The following XPNPEP1 variants were observed in gnomAD, a reference collection of about 807,000 sequenced individuals.
XPNPEP1 encodes the protein X-prolyl aminopeptidase 1.
A neutral mutation model predicts 92.4 loss-of-function variants in XPNPEP1; 39 were observed. The observed-to-expected ratio is 0.42, with a 90% CI of 0.33 to 0.55. The LOEUF is 0.55. XPNPEP1 is among the 20% of genes least tolerant of loss of function. The pLI, the probability that XPNPEP1 is intolerant of heterozygous loss-of-function variation, is 0.08. For synonymous variants in XPNPEP1, 307 were observed against 299.4 expected, an observed-to-expected ratio of 1.03 and a Z score of -0.26; for missense variants, 654 against 856.1, an observed-to-expected ratio of 0.76 and a Z score of 2.95.
chr10:109,899,300 G>A (rs1378063609), intron 3 of XPNPEP1, among the ~76,000 whole-genome samples: 2 of 152,182 alleles, frequency 1.3e-5, no homozygotes, highest in Admixed American at 6.5e-5. Flanking sequence ...TGAAATGTGG[G>A]TGAGAGGTGA....
intron 3 of XPNPEP1, among the ~76,000 whole-genome samples, chr10:109,897,474 T>A (rs1589602486): frequency 6.6e-6 from 1 of 152,232 alleles, no homozygotes; most frequent in African/African-American, 2.4e-5. Context: ...TGTTTATTAT[T>A]GTCTCAACAC....
rs889113027 is a variant in XPNPEP1, at chr10:109,881,408, T to A, written c.1042-477A>T. ...GTCCTATCTCAGCTACTGATAATAATCTGATCTTGAAGGGCTGGAGAAGAC... is the reference window on the plus strand; with the variant it reads ...GTCCTATCTCAGCTACTGATAATAAACTGATCTTGAAGGGCTGGAGAAGAC... On this transcript the variant is annotated intron_variant, in intron 10 of 20. Coordinates refer to ENST00000502935, the MANE Select transcript of XPNPEP1 (RefSeq NM_020383.4). Among the ~76,000 whole-genome samples the A allele has an allele frequency of 2.0e-5, 3 of 152,274 alleles. No individual in the cohort carries two copies. In the East Asian group the frequency reaches 5.8e-4, roughly 29 times the overall value.
rs1850109850 is a variant in XPNPEP1 at position 109,915,034 on chromosome 10, G to A, written c.98C>T (p.Ser33Leu). The A allele has an allele frequency of 2.6e-6, 4 of 1,530,630 alleles. No individual in the cohort carries two copies. The highest frequency in any genetic ancestry group is 3.5e-6 in the Non-Finnish European group (4 of 1,143,222). 94.8% of individuals were successfully genotyped at this position (1,530,630 alleles called of 1,614,324 possible). The change falls in exon 2 of 21, where the codon TCA becomes TTA. Residue 33 changes from serine to leucine, a missense_variant. Ser to Leu is a moderately radical substitution (Grantham distance 145, BLOSUM62 -2). Transcript: ENST00000502935. Reference sequence around the variant, plus strand: ...ACCTGTTTCCACACCTGTGTCTCCTGAGTGTGTCACCTCGTTAGGTTCAAT... The same window carrying A: ...ACCTGTTTCCACACCTGTGTCTCCTAAGTGTGTCACCTCGTTAGGTTCAAT... ...RIIEPNEVTH[S>L]GDTGVETDGR...
chr10:109,880,598 G>A (rs1002186646), intron 11 of XPNPEP1, among the ~76,000 whole-genome samples: 4 of 152,286 alleles, frequency 2.6e-5, no homozygotes, highest in South Asian at 4.1e-4. Context: ...TCAGCATCAC[G>A]TCATCACCAT....
intron 4 of XPNPEP1, 48 bp from the exon 5 acceptor site, chr10:109,891,874 T>C: frequency 1.3e-6 from 2 of 1,583,736 alleles, no homozygotes; most frequent in Non-Finnish European, 1.7e-6. Context: ...TTCTAACAAC[T>C]GCTCAGAAGC....
At chr10:109,875,660 G>T in intron 14 of XPNPEP1, 61 bp from the exon 15 acceptor site, 1 of 1,469,302 alleles carries the variant, frequency 6.8e-7, no homozygotes, top group Non-Finnish European at 9.4e-7. Flanking sequence ...GAATCTGGGA[G>T]GAGGACACAC....
At chr10:109,920,034 TA>T (rs561125587) in intron 1 of XPNPEP1, among the ~76,000 whole-genome samples, 450 of 142,988 alleles carry the variant, frequency 3.1e-3, no homozygotes, top group Non-Finnish European at 2.8e-3. Flanking sequence ...CCGTCTCATT[TA>T]AAAAAAAAAA....
intron 10 of XPNPEP1, 64 bp from the exon 11 acceptor site, chr10:109,880,995 C>T (rs1319122120): frequency 2.7e-6 from 4 of 1,493,680 alleles, no homozygotes; most frequent in East Asian, 4.6e-5. Context: ...ACCAAGGCAA[C>T]AACCTTTTTG....
chr10:109,875,131 C>T (rs1333352579), intron 15 of XPNPEP1, among the ~76,000 whole-genome samples: 2 of 152,152 alleles, frequency 1.3e-5, no homozygotes, highest in African/African-American at 4.8e-5. Context: ...GGGGGCAGCC[C>T]TCATTTCTCA....
At chr10:109,915,632 T>C (rs1167885493) in intron 1 of XPNPEP1, among the ~76,000 whole-genome samples, 1 of 152,240 alleles carries the variant, frequency 6.6e-6, no homozygotes, top group Non-Finnish European at 1.5e-5. Context: ...TTATCTTCAA[T>C]AGAGGCTATT....
chr10:109,882,423 G>A lies in XPNPEP1; in HGVS notation c.1041+9C>T. 6.2e-7 allele frequency: 1 copy of A among 1,607,910 alleles called. No homozygotes were observed. Among genetic ancestry groups the A allele is most frequent in the Non-Finnish European group, 8.5e-7 (1 of 1,175,118 alleles). On this transcript the variant is annotated intron_variant, in intron 10 of 20. Transcript: ENST00000502935. Reference sequence around the variant, plus strand: ...CAGAGTTTAGATGGGCCAAAGTGGGGTCACCAACCTTGGGGATGGTCTCGC... The same window carrying A: ...CAGAGTTTAGATGGGCCAAAGTGGGATCACCAACCTTGGGGATGGTCTCGC...
chr10:109,889,413 G>A (rs922039274), intron 5 of XPNPEP1, among the ~76,000 whole-genome samples: 2 of 152,294 alleles, frequency 1.3e-5, no homozygotes, highest in Non-Finnish European at 2.9e-5. Context: ...ATGTTAGCCA[G>A]GTTGGTCTTG....
At chr10:109,895,661 C>T (rs1030111841) in intron 3 of XPNPEP1, among the ~76,000 whole-genome samples, 13 of 152,222 alleles carry the variant, frequency 8.5e-5, no homozygotes, top group South Asian at 6.2e-4. Flanking sequence ...CGCCCAGGGG[C>T]GGTCTCCTTA....
chr10:109,923,316 C>A, intron 1 of XPNPEP1, 86 bp downstream of exon 1: 1 of 1,321,722 alleles, frequency 7.6e-7, no homozygotes, highest in Non-Finnish European at 9.7e-7. Context: ...ACCCGCGCGT[C>A]CCTGCCCGCC....
chr10:109,872,947 T>C (rs978258611), intron 16 of XPNPEP1, among the ~76,000 whole-genome samples: 4 of 152,186 alleles, frequency 2.6e-5, no homozygotes, highest in African/African-American at 4.8e-5. Context: ...AGAAACTTAA[T>C]AGAGTCTGTC....
intron 1 of XPNPEP1, among the ~76,000 whole-genome samples, chr10:109,920,038 AAAAAAAAAAGAAAG>A (rs1321043863): frequency 6.6e-6 from 1 of 152,152 alleles, no homozygotes; most frequent in East Asian, 1.9e-4. Flanking sequence ...CTCATTTAAA[AAAAAAAAAAGAAAG>A]AAAAGAAAGA....
intron 4 of XPNPEP1, 43 bp downstream of exon 4, chr10:109,892,969 C>T (rs755457627): frequency 1.2e-5 from 19 of 1,594,890 alleles, no homozygotes; most frequent in Middle Eastern, 1.7e-4. Flanking sequence ...TTTTAGGAGG[C>T]GAACAAAGGT....
In XPNPEP1 at chr10:109,887,281, T is replaced by C. The variant is rs114407028; in HGVS notation, c.652+768A>G. On this transcript the variant is annotated intron_variant, in intron 7 of 20. Coordinates refer to ENST00000502935, the MANE Select transcript of XPNPEP1 (RefSeq NM_020383.4). ...CCACTCACTGGACCCATCCTCCCCA[T>C]TCCGCAATACCCCTCTGGTGAGGAT... Among the ~76,000 whole-genome samples, 245 of 152,282 alleles carry C rather than the reference T, an allele frequency of 1.6e-3. 1 individual carries two copies. Among genetic ancestry groups the C allele is most frequent in the African/African-American group, 4.9e-3 (202 of 41,566 alleles).
At chr10:109,873,510 A>G (rs1358782260) in intron 15 of XPNPEP1, 83 bp from the exon 16 acceptor site, 7 of 1,543,558 alleles carry the variant, frequency 4.5e-6, no homozygotes, top group Non-Finnish European at 6.3e-6. Flanking sequence ...TGGACAAGTG[A>G]GAAGCCCCAT....
Sources: gnomAD v4.1 joint callset for allele counts (sites outside exome capture counted in the v4.1 genomes callset) on GRCh38, gnomAD v4.1.1 for gene constraint, MANE v1.5 for transcripts, NCBI Gene and HGNC (gene_info 2026-07-23, HGNC 2026-07-21) for gene names.